Variants in PDLIM5 observed in about 807,000 individuals in gnomAD.
PDLIM5 encodes PDZ and LIM domain 5, also known as PDZ and LIM domain protein 5.
Under a neutral mutation model 64.2 loss-of-function variants are expected in PDLIM5, and 34 were observed. The observed-to-expected ratio is 0.53, with a 90% CI of 0.40 to 0.71. The LOEUF (loss-of-function observed/expected upper bound fraction) is 0.71. Among genes scored for constraint, PDLIM5 ranks in the 30% least tolerant of loss-of-function variants. The probability of loss-of-function intolerance (pLI) is 0.00; values close to 1 mark genes in which losing one functional copy is unlikely to be tolerated. For missense variants in PDLIM5, 683 were observed against 733.6 expected, an observed-to-expected ratio of 0.93 and a Z score of 0.80; for synonymous variants, 253 against 269.1, an observed-to-expected ratio of 0.94 and a Z score of 0.59.
At chr4:94,505,704 G>A (rs2510796) in intron 2 of PDLIM5, among the ~76,000 whole-genome samples, 87,793 of 152,044 alleles carry the variant, frequency 0.58, 27,701 homozygotes, top group African/African-American at 0.85. Flanking sequence ...TATAAAGGAT[G>A]TTACAAAACA....
At chr4:94,501,577 G>C (rs1727925494) in intron 2 of PDLIM5, among the ~76,000 whole-genome samples, 1 of 152,094 alleles carries the variant, frequency 6.6e-6, no homozygotes, top group Admixed American at 6.5e-5. Context: ...TTTGGGGCCT[G>C]TATTTTATAG....
chr4:94,525,706 T>C (rs917985103), intron 3 of PDLIM5, among the ~76,000 whole-genome samples: 6 of 152,348 alleles, frequency 3.9e-5, no homozygotes, highest in African/African-American at 1.4e-4. Flanking sequence ...TATTTTGAGG[T>C]ATTGTGACTT....
At chr4:94,596,890 A>G (rs1406572283) in intron 7 of PDLIM5, among the ~76,000 whole-genome samples, 3 of 152,090 alleles carry the variant, frequency 2.0e-5, no homozygotes, top group African/African-American at 4.8e-5. Flanking sequence ...TCATGTGTCC[A>G]TGTATTCTCT....
chr4:94,622,357 AAATGT>A (rs1348409135), intron 8 of PDLIM5, among the ~76,000 whole-genome samples: 1 of 152,244 alleles, frequency 6.6e-6, no homozygotes, highest in Admixed American at 6.5e-5. Context: ...ACTATCTTAC[AAATGT>A]AATGAAATGT....
At chr4:94,509,477 A>C (rs760457221) in intron 2 of PDLIM5, among the ~76,000 whole-genome samples, 2 of 152,198 alleles carry the variant, frequency 1.3e-5, no homozygotes, top group African/African-American at 2.4e-5. Flanking sequence ...ATATGATGCC[A>C]TGCCTACAAC....
intron 3 of PDLIM5, among the ~76,000 whole-genome samples, chr4:94,565,815 A>G (rs913710112): frequency 6.6e-6 from 1 of 152,214 alleles, no homozygotes; most frequent in African/African-American, 2.4e-5. Context: ...GAATTTTGTG[A>G]AGAACTTAAT....
At chr4:94,531,382 A>T (rs1730855509) in intron 3 of PDLIM5, among the ~76,000 whole-genome samples, 1 of 152,094 alleles carries the variant, frequency 6.6e-6, no homozygotes, top group Non-Finnish European at 1.5e-5. Context: ...CAATCCATTG[A>T]GGAAGAAGTT....
intron 11 of PDLIM5, among the ~76,000 whole-genome samples, chr4:94,659,484 ATATGTGTGTATGTGTGTG>A (rs1253697289): frequency 1.9e-4 from 26 of 133,800 alleles, no homozygotes; most frequent in African/African-American, 7.2e-4. Flanking sequence ...GCTGTAGTAT[ATATGTGTGTATGTGTGTG>A]TGTGTGTGTG....
chr4:94,467,191 A>G (rs988598043), intron 2 of PDLIM5, among the ~76,000 whole-genome samples: 3 of 152,228 alleles, frequency 2.0e-5, no homozygotes, highest in African/African-American at 4.8e-5. Context: ...TTCCCAGTAC[A>G]TGTTCAGTAA....
At chr4:94,608,241 A>G (rs1451131980) in intron 7 of PDLIM5, 11 of 1,163,290 alleles carry the variant, frequency 9.5e-6, no homozygotes, top group Non-Finnish European at 1.3e-5. Flanking sequence ...AATATACTAA[A>G]CTGTTTGAAA....
chr4:94,577,458 A>G, intron 5 of PDLIM5: 1 of 399,822 alleles, frequency 2.5e-6, no homozygotes, highest in Middle Eastern at 4.0e-4. Flanking sequence ...GTGGCTTTCT[A>G]AAGTTCTGAT....
intron 9 of PDLIM5, among the ~76,000 whole-genome samples, chr4:94,651,999 A>G (rs1027893561): frequency 6.6e-6 from 1 of 152,208 alleles, no homozygotes; most frequent in Non-Finnish European, 1.5e-5. Flanking sequence ...ACTTGAACTC[A>G]ATACATATTT....
intron 2 of PDLIM5, among the ~76,000 whole-genome samples, chr4:94,478,912 TTTTTTA>T (rs1345934355): frequency 6.2e-5 from 9 of 145,934 alleles, no homozygotes; most frequent in Non-Finnish European, 1.5e-5. Flanking sequence ...TTTTTTTTTT[TTTTTTA>T]AGACAGGGTC....
intron 9 of PDLIM5, among the ~76,000 whole-genome samples, chr4:94,643,459 G>A (rs941224594): frequency 9.9e-5 from 15 of 151,318 alleles, no homozygotes; most frequent in African/African-American, 3.7e-4. Context: ...GGCAGTTGTA[G>A]CCAAAATCAT....
intron 3 of PDLIM5, among the ~76,000 whole-genome samples, chr4:94,566,482 C>T (rs569023758): frequency 6.6e-6 from 1 of 152,238 alleles, no homozygotes; most frequent in Admixed American, 6.5e-5. Context: ...AGGTCATCTG[C>T]TTACGGGGAA....
intron 3 of PDLIM5, among the ~76,000 whole-genome samples, chr4:94,559,473 T>A (rs939308450): frequency 3.3e-5 from 5 of 152,240 alleles, no homozygotes; most frequent in African/African-American, 1.2e-4. Flanking sequence ...TGCTACATCT[T>A]GTTTTCATTG....
At chr4:94,599,272 A>T (rs894734249) in intron 7 of PDLIM5, among the ~76,000 whole-genome samples, 1 of 152,170 alleles carries the variant, frequency 6.6e-6, no homozygotes, top group Admixed American at 6.6e-5. Context: ...GATGGAGAGC[A>T]TTGGATAGGT....
At chr4:94,601,350 T>C (rs1462720441) in intron 7 of PDLIM5, among the ~76,000 whole-genome samples, 3 of 152,122 alleles carry the variant, frequency 2.0e-5, no homozygotes, top group Non-Finnish European at 2.9e-5. Context: ...GACCTAATCA[T>C]CTCCCAGAGG....
intron 8 of PDLIM5, among the ~76,000 whole-genome samples, chr4:94,638,009 G>A (rs1338403594): frequency 1.3e-5 from 2 of 152,190 alleles, no homozygotes; most frequent in African/African-American, 4.8e-5. Context: ...GGGGACACAG[G>A]AGGCCGAGTT....
Sources: gnomAD v4.1 joint callset for allele counts (sites outside exome capture counted in the v4.1 genomes callset) on GRCh38, gnomAD v4.1.1 for gene constraint, MANE v1.5 for transcripts, NCBI Gene and HGNC (gene_info 2026-07-23, HGNC 2026-07-21) for gene names.